The following MEI1 variants were observed in gnomAD, a reference collection of about 807,000 sequenced individuals.
The protein encoded by MEI1 is meiotic double-stranded break formation protein 1.
MEI1 carries 103 observed loss-of-function variants against 146.2 expected under a neutral mutation model. The ratio of observed to expected loss-of-function variants is 0.70; its 90% confidence interval spans 0.60 to 0.83. MEI1 has a LOEUF of 0.83. Among genes scored for constraint, MEI1 ranks in the 40% least tolerant of loss-of-function variants. The pLI is 0.00. For synonymous variants in MEI1, 652 were observed against 628.2 expected (o/e 1.04, Z -0.57); for missense variants, 1,529 against 1,533.0 (o/e 1.00, Z 0.04).
intron 11 of MEI1, among the ~76,000 whole-genome samples, chr22:41,737,696 T>C (rs1007030970): frequency 1.3e-5 from 2 of 152,110 alleles, no homozygotes; most frequent in African/African-American, 2.4e-5. Flanking sequence ...CGTGAGCCAC[T>C]GAACCTGGCC....
chr22:41,732,583 GGCC>G lies in MEI1; in HGVS notation c.1312_1314del (p.Ala438del). The G allele has an allele frequency of 6.2e-7, 1 of 1,613,406 alleles. No individual in the cohort carries two copies. Among genetic ancestry groups the G allele is most frequent in the Non-Finnish European group, 8.5e-7 (1 of 1,179,796 alleles). On this transcript the variant is annotated inframe_deletion, in exon 11 of 31. Transcript: ENST00000401548. ...TGGAGGTGGCTGCTGAGGCCTTGAA[GGCC>G]ACTTCTGCTTTTCTGAGGTGAGAGA...
intron 16 of MEI1, among the ~76,000 whole-genome samples, chr22:41,753,134 T>C (rs2073882670): frequency 6.6e-6 from 1 of 152,044 alleles, no homozygotes. Context: ...TTCTCCTGCC[T>C]CAGCACCTGA....
chr22:41,778,548 G>T (rs941432495), intron 21 of MEI1, 160 bp from the exon 22 acceptor site: 7 of 593,650 alleles, frequency 1.2e-5, no homozygotes, highest in Non-Finnish European at 1.5e-5. Context: ...TGTTCTAAAT[G>T]AAGAAAGAAA....
chr22:41,776,441 G>C (rs1289264698), intron 21 of MEI1, among the ~76,000 whole-genome samples, 174 bp downstream of exon 21: 1 of 152,234 alleles, frequency 6.6e-6, no homozygotes, highest in Admixed American at 6.5e-5. Context: ...CTGCAGAGTG[G>C]GCGTACAACA....
intron 15 of MEI1, among the ~76,000 whole-genome samples, chr22:41,749,547 T>C (rs2147830021): frequency 6.6e-6 from 1 of 152,294 alleles, no homozygotes; most frequent in Non-Finnish European, 1.5e-5. Flanking sequence ...AGTGCTGGGG[T>C]TACAGACGTG....
chr22:41,784,066 A>G (rs1023602648), intron 24 of MEI1, among the ~76,000 whole-genome samples: 2 of 152,218 alleles, frequency 1.3e-5, no homozygotes, highest in African/African-American at 4.8e-5. Flanking sequence ...AGACTGAACC[A>G]CAGATGAGGC....
At chr22:41,779,466 A>C (rs903260084) in intron 22 of MEI1, among the ~76,000 whole-genome samples, 4 of 152,102 alleles carry the variant, frequency 2.6e-5, no homozygotes, top group Non-Finnish European at 1.5e-5. Context: ...AAACAAACAA[A>C]TCTGTATGAC....
intron 26 of MEI1, among the ~76,000 whole-genome samples, chr22:41,787,098 C>G (rs1001779332): frequency 6.6e-6 from 1 of 152,214 alleles, no homozygotes; most frequent in African/African-American, 2.4e-5. Flanking sequence ...ATTTTCATAT[C>G]ACTATTCCCC....
At chr22:41,789,094 C>G (rs936822286) in intron 26 of MEI1, among the ~76,000 whole-genome samples, 1 of 152,134 alleles carries the variant, frequency 6.6e-6, no homozygotes, top group Non-Finnish European at 1.5e-5. Flanking sequence ...GGGCGGATCA[C>G]TTGTCAGGAA....
chr22:41,776,136 A>G lies in MEI1; in HGVS notation c.2579A>G (p.His860Arg). The change falls in exon 21 of 31, where the codon CAC becomes CGC. Residue 860 changes from histidine (H) to arginine (R), a missense_variant. His to Arg is a conservative substitution (Grantham distance 29, BLOSUM62 0). Transcript: ENST00000401548. ...LIYSSPVDTA[H>R]KVLISLRTFL... ...TATTCCAGCCCAGTGGACACAGCTC[A>G]CAAGGTACTGATTAGCCTGAGGACC... is the stretch of plus-strand genomic sequence containing the variant. 4 of 1,613,846 alleles carry G rather than the reference A, an allele frequency of 2.5e-6. No individual in the cohort carries two copies. The highest frequency in any genetic ancestry group is 3.4e-6 in the Non-Finnish European group (4 of 1,179,806).
chr22:41,754,819 A>G (rs749178528), intron 17 of MEI1, among the ~76,000 whole-genome samples: 1 of 152,238 alleles, frequency 6.6e-6, no homozygotes, highest in Non-Finnish European at 1.5e-5. Flanking sequence ...GCTGTCATAA[A>G]TTGAAACAGG....
In MEI1 at chr22:41,768,390, CAA is replaced by C. The variant is rs11323279; in HGVS notation, c.2269-2281_2269-2280del. ...GGTGACATAGTGAGACCCTGTCTCCCAAAAAAAAAAAAAAAATGAAATTAAGG... is the reference window on the plus strand; with the variant it reads ...GGTGACATAGTGAGACCCTGTCTCCCAAAAAAAAAAAAAATGAAATTAAGG... On this transcript the variant is annotated intron_variant, in intron 19 of 30. Coordinates refer to ENST00000401548, the MANE Select transcript of MEI1 (RefSeq NM_152513.4). Among the ~76,000 whole-genome samples the C allele has an allele frequency of 3.9e-3, 491 of 125,622 alleles. 1 individual carries two copies. The highest frequency in any genetic ancestry group is 6.5e-3 in the East Asian group (28 of 4,314). 82.4% of individuals were successfully genotyped at this position (125,622 alleles called of 152,430 possible).
chr22:41,732,384 A>G, intron 10 of MEI1, 40 bp downstream of exon 10: 1 of 1,613,420 alleles, frequency 6.2e-7, no homozygotes, highest in Non-Finnish European at 8.5e-7. Context: ...TAGGGGCCAG[A>G]CTGCAGAAGG....
chr22:41,794,444 C>G lies in MEI1; in HGVS notation c.3501C>G (p.Phe1167Leu), dbSNP rs750005147. Residue 1167 changes from phenylalanine to leucine, a missense_variant, in exon 28 of 31, where the codon TTC (phenylalanine) becomes TTG (leucine). Phe to Leu is a conservative substitution (Grantham distance 22). This residue lies in a region of MEI1 where 313 missense variants were observed against 337.3 expected (regional missense o/e 0.93). Coordinates refer to ENST00000401548, the MANE Select transcript of MEI1 (RefSeq NM_152513.4). ...FTLLDAGENS[F>L]LRPEILRLMT... The stretch of plus-strand genomic sequence containing the variant: ...TCTTGGATGCTGGAGAGAATTCCTT[C>G]CTCAGACCTGAGATTTTGAGGCTCA... 6.2e-7 allele frequency: 1 copy of G among 1,613,864 alleles called. No individual in the cohort carries two copies. The highest frequency in any genetic ancestry group is 8.5e-7 in the Non-Finnish European group (1 of 1,179,858).
At chr22:41,708,905 C>T (rs1257136845) in intron 3 of MEI1, among the ~76,000 whole-genome samples, 4 of 152,248 alleles carry the variant, frequency 2.6e-5, no homozygotes, top group East Asian at 3.9e-4. Context: ...GACATAAAAA[C>T]GAATTTGTTT....
chr22:41,709,284 C>T, intron 3 of MEI1: 1 of 821,372 alleles, frequency 1.2e-6, no homozygotes, highest in Non-Finnish European at 2.1e-6. Flanking sequence ...CCATTTTCTG[C>T]AGGGTTATTC....
chr22:41,736,340 C>T (rs2072364247), intron 11 of MEI1, among the ~76,000 whole-genome samples: 3 of 151,338 alleles, frequency 2.0e-5, no homozygotes, highest in African/African-American at 4.9e-5. Flanking sequence ...AGTTGTGCCT[C>T]CCGGGTTCAC....
chr22:41,736,502 C>T (rs879792930), intron 11 of MEI1, among the ~76,000 whole-genome samples: 16 of 152,118 alleles, frequency 1.1e-4, no homozygotes, highest in Non-Finnish European at 1.6e-4. Context: ...ATCTGCGTGC[C>T]TCTGCCTCTC....
intron 19 of MEI1, among the ~76,000 whole-genome samples, 166 bp downstream of exon 19, chr22:41,763,487 CT>C (rs759991568): frequency 6.6e-6 from 1 of 150,960 alleles, no homozygotes; most frequent in Non-Finnish European, 1.5e-5. Context: ...CATACAGAGC[CT>C]GTATAATTTA....
Sources: allele counts gnomAD v4.1 joint callset (sites outside exome capture counted in the v4.1 genomes callset), GRCh38; gene constraint gnomAD v4.1.1; regional missense constraint gnomAD v4.1.1; transcripts MANE v1.5; gene names NCBI Gene and HGNC (gene_info 2026-07-23, HGNC 2026-07-21).